Variants in ANKH observed in about 807,000 individuals in gnomAD.
ANKH encodes the protein mineralization regulator ANKH.
In ANKH, 15 loss-of-function variants were observed where a neutral mutation model predicts 49.0. The ratio of observed to expected loss-of-function variants is 0.31; its 90% CI spans 0.20 to 0.47. The LOEUF is 0.47. ANKH is among the 20% of genes least tolerant of loss of function. The pLI is 1.00. For missense variants in ANKH, 429 were observed against 652.0 expected, an observed-to-expected ratio of 0.66 and a Z score of 3.72; for synonymous variants, 273 against 260.0, an observed-to-expected ratio of 1.05 and a Z score of -0.48.
chr5:14,750,552 T>C (rs1738678444), intron 5 of ANKH, among the ~76,000 whole-genome samples: 1 of 152,196 alleles, frequency 6.6e-6, no homozygotes, highest in East Asian at 1.9e-4. Flanking sequence ...ATGATGCTGC[T>C]TGAGGGTAGC....
intron 1 of ANKH, chr5:14,871,144 G>C: frequency 1.5e-6 from 1 of 672,664 alleles, no homozygotes; most frequent in South Asian, 1.5e-5. Context: ...ACATTTTCCA[G>C]AGAGGGCTGG....
chr5:14,837,057 G>T (rs1741676494), intron 1 of ANKH, among the ~76,000 whole-genome samples: 1 of 152,164 alleles, frequency 6.6e-6, no homozygotes, highest in South Asian at 2.1e-4. Flanking sequence ...GGGAAAACTG[G>T]CTAGCCATAT....
At chr5:14,765,911 G>A (rs1580051501) in intron 2 of ANKH, among the ~76,000 whole-genome samples, 1 of 152,322 alleles carries the variant, frequency 6.6e-6, no homozygotes, top group South Asian at 2.1e-4. Context: ...ACCCTCCAGG[G>A]ATTGGTAAAT....
At chr5:14,799,855 A>G (rs115700767) in intron 1 of ANKH, among the ~76,000 whole-genome samples, 7,482 of 152,250 alleles carry the variant, frequency 0.049, 209 homozygotes, top group South Asian at 0.068. Context: ...AGTAATTTCT[A>G]CTTTCAAGTC....
At chr5:14,796,165 T>C (rs1740366931) in intron 1 of ANKH, among the ~76,000 whole-genome samples, 1 of 151,772 alleles carries the variant, frequency 6.6e-6, no homozygotes, top group African/African-American at 2.4e-5. Flanking sequence ...GCATTGCAAA[T>C]GTGTTTTTTT....
chr5:14,824,387 G>A (rs1290989740), intron 1 of ANKH, among the ~76,000 whole-genome samples: 1 of 152,050 alleles, frequency 6.6e-6, no homozygotes, highest in Non-Finnish European at 1.5e-5. Flanking sequence ...TCCAATAATA[G>A]AGATATAAAA....
At chr5:14,856,198 G>GTCAC (rs1414181737) in intron 1 of ANKH, among the ~76,000 whole-genome samples, 1 of 151,792 alleles carries the variant, frequency 6.6e-6, no homozygotes, top group Non-Finnish European at 1.5e-5. Flanking sequence ...CCGTGATCAT[G>GTCAC]TCACTGCACT....
chr5:14,758,395 T>C (rs1456435483), intron 3 of ANKH, 85 bp downstream of exon 3: 8 of 1,065,510 alleles, frequency 7.5e-6, no homozygotes, highest in South Asian at 2.6e-5. Flanking sequence ...CACACAAAAA[T>C]AGCTAAAATG....
intron 1 of ANKH, among the ~76,000 whole-genome samples, chr5:14,814,665 C>T (rs1439474151): frequency 2.0e-5 from 3 of 152,116 alleles, no homozygotes; most frequent in Non-Finnish European, 2.9e-5. Context: ...AAGTCAGATG[C>T]TTTTTATTTT....
chr5:14,834,113 T>A (rs1366865033), intron 1 of ANKH, among the ~76,000 whole-genome samples: 2 of 152,166 alleles, frequency 1.3e-5, no homozygotes, highest in Non-Finnish European at 2.9e-5. Flanking sequence ...AATTGAAAGG[T>A]ACAAGGAAAG....
chr5:14,817,880 A>G (rs1015230957), intron 1 of ANKH, among the ~76,000 whole-genome samples: 6 of 152,162 alleles, frequency 3.9e-5, no homozygotes, highest in Non-Finnish European at 8.8e-5. Flanking sequence ...CTTGGTCAAC[A>G]CGGTAAAACC....
chr5:14,736,888 A>G (rs1176080922), intron 8 of ANKH, among the ~76,000 whole-genome samples: 6 of 152,214 alleles, frequency 3.9e-5, no homozygotes, highest in African/African-American at 1.4e-4. Context: ...TGTGCTTTGC[A>G]TGGATTCTTC....
At chr5:14,822,510 G>A (rs1188950333) in intron 1 of ANKH, among the ~76,000 whole-genome samples, 1 of 152,044 alleles carries the variant, frequency 6.6e-6, no homozygotes, top group South Asian at 2.1e-4. Flanking sequence ...CCTACATCGG[G>A]CCCATCTGCT....
At chr5:14,823,872 G>T (rs889265905) in intron 1 of ANKH, among the ~76,000 whole-genome samples, 74 of 152,346 alleles carry the variant, frequency 4.9e-4, no homozygotes, top group African/African-American at 1.7e-3. Context: ...GGAGGTTGCA[G>T]TGAGTGGAGA....
chr5:14,833,438 G>A (rs2126601267), intron 1 of ANKH, among the ~76,000 whole-genome samples: 1 of 152,312 alleles, frequency 6.6e-6, no homozygotes, highest in Admixed American at 6.5e-5. Context: ...ACCCTGCAGA[G>A]CTTGTTAGGC....
At chr5:14,797,813 A>C (rs1450609787) in intron 1 of ANKH, 1 of 1,611,178 alleles carries the variant, frequency 6.2e-7, no homozygotes, top group Admixed American at 1.7e-5. Flanking sequence ...GGTCATCTGA[A>C]GCACTAAGTA....
chr5:14,760,034 T>C (rs1004430117), intron 2 of ANKH, among the ~76,000 whole-genome samples: 2 of 152,128 alleles, frequency 1.3e-5, no homozygotes, highest in East Asian at 3.9e-4. Flanking sequence ...GACTACGATC[T>C]TCAGAGAGTG....
intron 8 of ANKH, among the ~76,000 whole-genome samples, chr5:14,733,871 C>T (rs1487380318): frequency 2.0e-5 from 3 of 152,202 alleles, no homozygotes; most frequent in East Asian, 1.9e-4. Flanking sequence ...ATGGCGCATG[C>T]GTGTCGGGAG....
chr5:14,771,937 A>AAAAAAAAAAAAAAAC (rs1561048114), intron 1 of ANKH, among the ~76,000 whole-genome samples: 3 of 140,382 alleles, frequency 2.1e-5, no homozygotes, highest in African/African-American at 8.1e-5. Context: ...AAAAAAAAAA[A>AAAAAAAAAAAAAAAC]AAAAAAAAAA....
Sources: gnomAD v4.1 joint callset for allele counts (sites outside exome capture counted in the v4.1 genomes callset) on GRCh38, gnomAD v4.1.1 for gene constraint, MANE v1.5 for transcripts, NCBI Gene and HGNC (gene_info 2026-07-23, HGNC 2026-07-21) for gene names.